The following TSPAN13 variants were observed in gnomAD, a reference collection of about 807,000 sequenced individuals.
TSPAN13 encodes the protein tetraspanin 13.
A neutral mutation model predicts 26.9 loss-of-function variants in TSPAN13; 18 were observed. The observed-to-expected ratio is 0.67, with a 90% CI of 0.46 to 0.99. TSPAN13 has a LOEUF of 0.99. TSPAN13 is among the 50% of genes least tolerant of loss of function. The pLI is 0.00. For missense variants in TSPAN13, 201 were observed against 249.6 expected (o/e 0.81, Z 1.31); for synonymous variants, 116 against 98.4 (o/e 1.18, Z -1.06).
intron 3 of TSPAN13, 72 bp downstream of exon 3, chr7:16,777,194 TTAGAATA>T: frequency 8.9e-7 from 1 of 1,124,616 alleles, no homozygotes; most frequent in Admixed American, 1.9e-5. Context: ...AGGGTAATGA[TTAGAATA>T]TAAAATAATT....
chr7:16,770,118 A>G (rs1784656654), intron 1 of TSPAN13, among the ~76,000 whole-genome samples: 1 of 151,620 alleles, frequency 6.6e-6, no homozygotes, highest in Admixed American at 6.6e-5. Context: ...TTAAGTTTGC[A>G]TTTTTAAAAA....
intron 3 of TSPAN13, 39 bp from the exon 4 acceptor site, chr7:16,777,759 C>A: frequency 1.3e-6 from 2 of 1,490,268 alleles, no homozygotes; most frequent in Non-Finnish European, 1.9e-6. Context: ...ACATTTTCTG[C>A]AGGGATGACA....
chr7:16,765,262 G>A (rs1313916314), intron 1 of TSPAN13, among the ~76,000 whole-genome samples: 1 of 124,832 alleles, frequency 8.0e-6, no homozygotes, highest in African/African-American at 3.7e-5. Context: ...ACTGCACCTG[G>A]CTAATTTTTT....
chr7:16,760,232 T>C (rs1348529093), intron 1 of TSPAN13, among the ~76,000 whole-genome samples: 1 of 152,186 alleles, frequency 6.6e-6, no homozygotes, highest in Non-Finnish European at 1.5e-5. Context: ...GAATATATTA[T>C]AGATGGCACA....
intron 1 of TSPAN13, among the ~76,000 whole-genome samples, chr7:16,764,872 C>A (rs1784588201): frequency 6.6e-6 from 1 of 151,970 alleles, no homozygotes; most frequent in African/African-American, 2.4e-5. Flanking sequence ...AGATTAGGAT[C>A]CCTGGCCAGG....
intron 1 of TSPAN13, among the ~76,000 whole-genome samples, chr7:16,772,813 T>C (rs1436414456): frequency 1.3e-5 from 2 of 151,930 alleles, no homozygotes; most frequent in African/African-American, 4.8e-5. Flanking sequence ...CTGGCCAACA[T>C]GGTGAAACCC....
chr7:16,783,664 G>A lies in TSPAN13; in HGVS notation c.*173G>A, dbSNP rs560574154. ...TTTCTCTACATGTTTTTTTCTTTCCGTTGCTGAAAAATATTTGAAACTTGT... is the reference window on the plus strand; with the variant it reads ...TTTCTCTACATGTTTTTTTCTTTCCATTGCTGAAAAATATTTGAAACTTGT... On this transcript the variant is annotated 3_prime_UTR_variant, in exon 6 of 6. Coordinates refer to ENST00000262067, the MANE Select transcript of TSPAN13 (RefSeq NM_014399.4). 61 of 642,926 alleles carry A rather than the reference G, an allele frequency of 9.5e-5. No individual in the cohort carries two copies. Among genetic ancestry groups the A allele is most frequent in the South Asian group, 5.6e-4 (24 of 42,492 alleles). The allele number at this position is 642,926 out of a possible 1,614,324, so 39.8% of individuals were successfully genotyped here.
intron 1 of TSPAN13, among the ~76,000 whole-genome samples, chr7:16,774,654 A>G (rs541375338): frequency 6.6e-6 from 1 of 152,320 alleles, no homozygotes; most frequent in African/African-American, 2.4e-5. Context: ...AGCAGTTGGG[A>G]AAATGAGAAG....
chr7:16,761,527 CT>C (rs539152752), intron 1 of TSPAN13, among the ~76,000 whole-genome samples: 46 of 151,230 alleles, frequency 3.0e-4, no homozygotes, highest in Non-Finnish European at 5.3e-4. Flanking sequence ...GCTTTGTTTT[CT>C]TTTTTTTAGG....
rs1210778252 is a variant in TSPAN13, at chr7:16,783,715, GA to G, written c.*226del. On this transcript the variant is annotated 3_prime_UTR_variant, in exon 6 of 6. Transcript: ENST00000262067. ...GGTCTCTGAAGCTCGGTGGCACCTG[GA>G]ATTTACTGTATTCATTGTCGGGCAC... The G allele has an allele frequency of 3.6e-6, 2 of 551,222 alleles. No homozygotes were observed. The highest frequency in any genetic ancestry group is 4.9e-4 in the Middle Eastern group (1 of 2,028). The allele number at this position is 551,222 out of a possible 1,614,324, so 34.1% of individuals were successfully genotyped here.
Position 16,753,796 on chromosome 7 carries a change from A to T in TSPAN13, c.-172A>T. 1 of 567,740 alleles carries T rather than the reference A, an allele frequency of 1.8e-6. No homozygotes were observed. Among genetic ancestry groups the T allele is most frequent in the Non-Finnish European group, 2.9e-6 (1 of 340,948 alleles). The allele number at this position is 567,740 out of a possible 1,614,324, so 35.2% of individuals were successfully genotyped here. A position where few individuals can be genotyped will look rare whatever the true frequency, so the allele number is the denominator to read the frequency against. On this transcript the variant is annotated 5_prime_UTR_variant, in exon 1 of 6. Coordinates refer to ENST00000262067, the MANE Select transcript of TSPAN13 (RefSeq NM_014399.4). ...GGCCGCAGGTTCCAAAGCGGGTCCG[A>T]GCCGCCGCCGCGCGCGCGCCGCGCA... is the stretch of plus-strand genomic sequence containing the variant.
rs765338414 is a variant in TSPAN13, at chr7:16,753,976, C to A, written c.9C>A (p.Cys3Ter). 2 of 1,613,062 alleles carry A rather than the reference C, an allele frequency of 1.2e-6. No homozygotes were observed. The highest frequency in any genetic ancestry group is 1.7e-5 in the Admixed American group (1 of 59,956). ...CAACCACAGGTTCCAAGATGGTTTG[C>A]GGGGGCTTCGCGTGTTCCAAGAACT... The part of the protein sequence containing the change: MV[C>*]GGFACSKNCL... Residue 3 changes from cysteine (C) to a stop codon, truncating the protein, a stop_gained, in exon 1 of 6, where the codon TGC becomes TGA. Transcript: ENST00000262067. LOFTEE classifies it high-confidence loss of function.
intron 1 of TSPAN13, among the ~76,000 whole-genome samples, chr7:16,756,932 G>C (rs1197339686): frequency 7.9e-5 from 12 of 152,102 alleles, no homozygotes; most frequent in Admixed American, 7.9e-4. Context: ...CTTTTATGAA[G>C]GCTCTTTTTT....
At chr7:16,769,940 G>T (rs539843216) in intron 1 of TSPAN13, among the ~76,000 whole-genome samples, 2 of 151,824 alleles carry the variant, frequency 1.3e-5, no homozygotes, top group South Asian at 4.2e-4. Context: ...CTTTTTGATC[G>T]GTATTTATCA....
At chr7:16,773,164 TG>T (rs150701147) in intron 1 of TSPAN13, among the ~76,000 whole-genome samples, 62 of 145,648 alleles carry the variant, frequency 4.3e-4, no homozygotes, top group Non-Finnish European at 6.3e-4. Flanking sequence ...TAAAAAATCT[TG>T]GGGGGGGGCG....
At chr7:16,762,764 G>T (rs1198789273) in intron 1 of TSPAN13, among the ~76,000 whole-genome samples, 1 of 152,032 alleles carries the variant, frequency 6.6e-6, no homozygotes, top group African/African-American at 2.4e-5. Flanking sequence ...AACTATCCTT[G>T]GCATGCCACC....
chr7:16,773,403 G>T (rs938155291), intron 1 of TSPAN13, among the ~76,000 whole-genome samples: 1 of 151,452 alleles, frequency 6.6e-6, no homozygotes, highest in East Asian at 1.9e-4. Context: ...TCAAATTTTG[G>T]TATGTATAAA....
Position 16,776,389 on chromosome 7 carries a change from TA to T in TSPAN13, c.231+16del. On this transcript the variant is annotated intron_variant, in intron 2 of 5. Coordinates refer to ENST00000262067, the MANE Select transcript of TSPAN13 (RefSeq NM_014399.4). ...GTGTTGCTATTTTTTGTATCCTTTTTAAAAATCAAGATTTTACTCTTGATGA... is the reference window on the plus strand; with the variant it reads ...GTGTTGCTATTTTTTGTATCCTTTTTAAAATCAAGATTTTACTCTTGATGA... The T allele has an allele frequency of 4.4e-6, 7 of 1,605,914 alleles. No homozygotes were observed. The highest frequency in any genetic ancestry group is 6.0e-6 in the Non-Finnish European group (7 of 1,175,454).
intron 1 of TSPAN13, among the ~76,000 whole-genome samples, chr7:16,773,310 T>C (rs2115332546): frequency 6.6e-6 from 1 of 150,894 alleles, no homozygotes; most frequent in Middle Eastern, 3.4e-3. Flanking sequence ...GCCTGCTAAC[T>C]TAGAATGGTT....
Sources: allele counts gnomAD v4.1 joint callset (sites outside exome capture counted in the v4.1 genomes callset), GRCh38; gene constraint gnomAD v4.1.1; transcripts MANE v1.5; gene names NCBI Gene and HGNC (gene_info 2026-07-23, HGNC 2026-07-21).